The following SLC39A12 variants were observed in gnomAD, a reference collection of about 807,000 sequenced individuals.
The protein encoded by SLC39A12 is solute carrier family 39 member 12.
A neutral mutation model predicts 71.1 loss-of-function variants in SLC39A12; 63 were observed. The observed-to-expected ratio is 0.89, with a 90% CI of 0.72 to 1.09. The LOEUF (loss-of-function observed/expected upper bound fraction) is 1.09, where lower values mean the gene tolerates loss of function less well. Among genes scored for constraint, SLC39A12 ranks in the 50% least tolerant of loss-of-function variants. The probability of loss-of-function intolerance (pLI) is 0.00; values close to 1 mark genes in which losing one functional copy is unlikely to be tolerated. For missense variants in SLC39A12, 892 were observed against 812.6 expected (o/e 1.10, Z -1.19); for synonymous variants, 351 against 301.3 (o/e 1.16, Z -1.71).
At chr10:17,976,599 T>TA (rs991793511) in intron 4 of SLC39A12, among the ~76,000 whole-genome samples, 2 of 151,790 alleles carry the variant, frequency 1.3e-5, no homozygotes, top group Non-Finnish European at 2.9e-5. Context: ...TATATATATA[T>TA]TTTTTTGTAG....
At chr10:17,998,947 T>A (rs1044779924) in intron 10 of SLC39A12, among the ~76,000 whole-genome samples, 3 of 149,656 alleles carry the variant, frequency 2.0e-5, no homozygotes, top group African/African-American at 7.3e-5. Flanking sequence ...ATTAGAATTA[T>A]TAGAATTTTT....
chr10:17,991,743 T>C (rs1353279394), intron 8 of SLC39A12, among the ~76,000 whole-genome samples: 1 of 152,152 alleles, frequency 6.6e-6, no homozygotes, highest in Non-Finnish European at 1.5e-5. Context: ...TTGCAGCAAA[T>C]CTTTTTTTCA....
At chr10:17,997,196 A>G (rs1355783400) in intron 10 of SLC39A12, among the ~76,000 whole-genome samples, 1 of 152,210 alleles carries the variant, frequency 6.6e-6, no homozygotes, top group Non-Finnish European at 1.5e-5. Context: ...TGCAGTGAAG[A>G]ATAAAATAAG....
intron 4 of SLC39A12, among the ~76,000 whole-genome samples, chr10:17,967,070 G>A (rs541262439): frequency 6.6e-6 from 1 of 152,056 alleles, no homozygotes; most frequent in African/African-American, 2.4e-5. Context: ...AATGCAAATT[G>A]TTGGTTTGTC....
At chr10:17,995,797 C>G (rs1009181586) in intron 10 of SLC39A12, 75 bp downstream of exon 10, 1 of 1,326,852 alleles carries the variant, frequency 7.5e-7, no homozygotes, top group Non-Finnish European at 1.1e-6. Flanking sequence ...AATAAAATGT[C>G]AAAACTATAT....
chr10:17,964,811 C>G (rs1834780939), intron 3 of SLC39A12, among the ~76,000 whole-genome samples: 1 of 152,176 alleles, frequency 6.6e-6, no homozygotes, highest in Non-Finnish European at 1.5e-5. Flanking sequence ...GAAAATCATT[C>G]TCCTGCAGGT....
chr10:18,010,045 A>G (rs1836164416), intron 12 of SLC39A12, among the ~76,000 whole-genome samples: 1 of 152,216 alleles, frequency 6.6e-6, no homozygotes, highest in African/African-American at 2.4e-5. Flanking sequence ...AAACTAAACT[A>G]GAATCCTAGA....
intron 12 of SLC39A12, among the ~76,000 whole-genome samples, chr10:18,016,559 C>G (rs7921720): frequency 0.099 from 15,069 of 152,136 alleles, 1,215 homozygotes; most frequent in East Asian, 0.21. Flanking sequence ...TGAGGAAATG[C>G]CAAGAAATAT....
intron 12 of SLC39A12, among the ~76,000 whole-genome samples, chr10:18,016,010 C>A (rs1836371561): frequency 6.6e-6 from 1 of 152,134 alleles, no homozygotes; most frequent in African/African-American, 2.4e-5. Context: ...CACAATGATA[C>A]ATCTGTTACA....
chr10:17,958,793 C>T (rs72784715), intron 2 of SLC39A12, among the ~76,000 whole-genome samples: 7,610 of 152,182 alleles, frequency 0.05, 265 homozygotes, highest in Non-Finnish European at 0.076. Context: ...ATTCATTGTG[C>T]ATTAAATAAT....
intron 5 of SLC39A12, among the ~76,000 whole-genome samples, chr10:17,979,752 T>G (rs1423799541): frequency 6.6e-6 from 1 of 152,212 alleles, no homozygotes; most frequent in Non-Finnish European, 1.5e-5. Flanking sequence ...CACCCATGTT[T>G]GAACAGCTTT....
At chr10:18,033,494 A>C (rs1399557252) in intron 12 of SLC39A12, among the ~76,000 whole-genome samples, 1 of 147,862 alleles carries the variant, frequency 6.8e-6, no homozygotes, top group Non-Finnish European at 1.5e-5. Flanking sequence ...ATCGGTGGTG[A>C]TATCCCCTTT....
At chr10:18,016,809 C>T (rs1836397981) in intron 12 of SLC39A12, among the ~76,000 whole-genome samples, 1 of 152,200 alleles carries the variant, frequency 6.6e-6, no homozygotes. Flanking sequence ...TGCTAAGCAT[C>T]TTTTATATGA....
At chr10:17,981,270 A>G (rs1320652872) in intron 5 of SLC39A12, 42 bp from the exon 6 acceptor site, 1 of 1,528,068 alleles carries the variant, frequency 6.5e-7, no homozygotes, top group South Asian at 1.3e-5. Flanking sequence ...TCTAGTTTAA[A>G]TATGCTGAGA....
chr10:18,005,553 G>A (rs932862806), intron 12 of SLC39A12: 3 of 152,136 alleles, frequency 2.0e-5, no homozygotes, highest in Non-Finnish European at 2.9e-5. Flanking sequence ...CACACAGACT[G>A]GTTCTCTCTT....
chr10:18,039,833 C>G (rs940287268), intron 12 of SLC39A12, among the ~76,000 whole-genome samples: 9 of 152,302 alleles, frequency 5.9e-5, no homozygotes, highest in Admixed American at 5.9e-4. Flanking sequence ...TATTTCTTCC[C>G]TATACATATA....
chr10:17,963,401 A>G (rs1307256014), intron 3 of SLC39A12, among the ~76,000 whole-genome samples: 1 of 152,228 alleles, frequency 6.6e-6, no homozygotes, highest in Non-Finnish European at 1.5e-5. Context: ...GTTTCTGGTT[A>G]TCCCACACAT....
At chr10:17,994,411 C>T (rs1023185929) in intron 9 of SLC39A12, among the ~76,000 whole-genome samples, 5 of 134,568 alleles carry the variant, frequency 3.7e-5, no homozygotes, top group African/African-American at 1.3e-4. Flanking sequence ...TCAAGAAACT[C>T]GAGGATAAAG....
intron 12 of SLC39A12, among the ~76,000 whole-genome samples, chr10:18,018,500 T>C (rs548446295): frequency 5.9e-5 from 9 of 152,202 alleles, no homozygotes; most frequent in Non-Finnish European, 1.2e-4. Flanking sequence ...CCATTAGGTA[T>C]ATTTTAGCTA....
Sources: gnomAD v4.1 joint callset for allele counts (sites outside exome capture counted in the v4.1 genomes callset) on GRCh38, gnomAD v4.1.1 for gene constraint, MANE v1.5 for transcripts, NCBI Gene and HGNC (gene_info 2026-07-23, HGNC 2026-07-21) for gene names.